Variants in MLLT1 observed in about 807,000 individuals in gnomAD.
The protein encoded by MLLT1 is MLLT1 super elongation complex subunit, also known as protein ENL.
A neutral mutation model predicts 55.1 loss-of-function variants in MLLT1; 11 were observed. The ratio of observed to expected loss-of-function variants is 0.20; its 90% confidence interval spans 0.13 to 0.33. The LOEUF is 0.33. Among genes scored for constraint, MLLT1 ranks in the 10% least tolerant of loss-of-function variants. The pLI is 1.00. For missense variants in MLLT1, 536 were observed against 760.6 expected, an observed-to-expected ratio of 0.70 and a Z score of 3.47; for synonymous variants, 323 against 320.1, an observed-to-expected ratio of 1.01 and a Z score of -0.10.
Position 6,216,395 on chromosome 19 carries a change from G to T in MLLT1, c.1307+10C>A. On this transcript the variant is annotated intron_variant, in intron 8 of 11. Coordinates refer to ENST00000252674, the MANE Select transcript of MLLT1 (RefSeq NM_005934.4). ...CCGCCTCCGCCCCCTGGCTCCCACCGGGCCGTCACCTGGAGTCCCTCCCCG... is the reference window on the plus strand; with the variant it reads ...CCGCCTCCGCCCCCTGGCTCCCACCTGGCCGTCACCTGGAGTCCCTCCCCG... 1 of 1,591,744 alleles carries T rather than the reference G, an allele frequency of 6.3e-7. No individual in the cohort carries two copies. Among genetic ancestry groups the T allele is most frequent in the East Asian group, 2.3e-5 (1 of 44,050 alleles).
rs1158830196 is a variant in MLLT1 at position 6,211,491 on chromosome 19, CAAG to C, written c.*1548_*1550del. ...TCTGCTGACAGAATCAGAGCAGGGA[CAAG>C]ATGAGGGACCTCAGGGAGGGACAGA... On this transcript the variant is annotated 3_prime_UTR_variant, in exon 12 of 12. Coordinates refer to ENST00000252674, the MANE Select transcript of MLLT1 (RefSeq NM_005934.4). The surrounding 1 kb of genome is among the most constrained non-coding windows in gnomAD (Gnocchi z 4.6). The C allele has an allele frequency of 1.7e-5, 9 of 531,990 alleles. No individual in the cohort carries two copies. The highest frequency in any genetic ancestry group is 2.3e-5 in the Non-Finnish European group (9 of 391,752). The allele number at this position is 531,990 out of a possible 1,614,324, so 33.0% of individuals were successfully genotyped here. A position where few individuals can be genotyped will look rare whatever the true frequency, so the allele number is the denominator to read the frequency against.
intron 3 of MLLT1, among the ~76,000 whole-genome samples, chr19:6,241,682 GCTT>G (rs1179582089): frequency 6.6e-6 from 1 of 152,212 alleles, no homozygotes; most frequent in Non-Finnish European, 1.5e-5. Context: ...CTTTCCTTGT[GCTT>G]CTCTGCCCGG....
intron 3 of MLLT1, among the ~76,000 whole-genome samples, chr19:6,250,921 G>A (rs1000488127): frequency 2.6e-5 from 4 of 152,204 alleles, no homozygotes; most frequent in African/African-American, 7.2e-5. Flanking sequence ...GAAAAGGAAT[G>A]CAGTTCTTAT....
Position 6,213,999 on chromosome 19 carries a change from G to C in MLLT1, c.1347C>G (p.Asp449Glu). ...GGGGCTCACGGCTGGGCAGGGAGGA[G>C]TCGGCGCTGTTGTCACTCTCGCTGT... ...FSDSESDNSA[D>E]SSLPSREPPP... Residue 449 changes from aspartate (D) to glutamate (E), a missense_variant, in exon 9 of 12, where the codon GAC becomes GAG. Coordinates refer to ENST00000252674, the MANE Select transcript of MLLT1 (RefSeq NM_005934.4). 6.9e-7 allele frequency: 1 copy of C among 1,457,372 alleles called. No individual in the cohort carries two copies. Among genetic ancestry groups the C allele is most frequent in the Non-Finnish European group, 9.0e-7 (1 of 1,106,362 alleles). The allele number at this position is 1,457,372 out of a possible 1,614,324, so 90.3% of individuals were successfully genotyped here. A position where few individuals can be genotyped will look rare whatever the true frequency, so the allele number is the denominator to read the frequency against.
intron 10 of MLLT1, 34 bp downstream of exon 10, chr19:6,213,691 GT>G: frequency 4.4e-5 from 14 of 318,086 alleles, no homozygotes; most frequent in Non-Finnish European, 5.5e-5. Context: ...CCACCCCTCC[GT>G]AGCCTCCCCG....
intron 5 of MLLT1, among the ~76,000 whole-genome samples, chr19:6,225,619 C>T (rs773689949): frequency 9.8e-5 from 15 of 152,296 alleles, no homozygotes; most frequent in Non-Finnish European, 2.1e-4. Flanking sequence ...TCTCTCCACC[C>T]GGTAGCTGGA....
chr19:6,235,191 C>T lies in MLLT1; in HGVS notation c.277-4478G>A, dbSNP rs2091048235. Among the ~76,000 whole-genome samples the T allele has an allele frequency of 6.6e-6, 1 of 152,238 alleles. No individual in the cohort carries two copies. The highest frequency in any genetic ancestry group is 2.1e-4 in the South Asian group (1 of 4,830). ...ACGGCTACGAGGGGGTTTGTTGCAT[C>T]TGCCTCTGTAAATGCTTCCAACTTT... On this transcript the variant is annotated intron_variant, in intron 3 of 11. Transcript: ENST00000252674. The surrounding 1 kb of genome is among the most constrained non-coding windows in gnomAD (Gnocchi z 5.5).
chr19:6,229,409 A>G lies in MLLT1; in HGVS notation c.420+1161T>C, dbSNP rs2090984777. Among the ~76,000 whole-genome samples, 1 of 151,890 alleles carries G rather than the reference A, an allele frequency of 6.6e-6. No individual in the cohort carries two copies. Among genetic ancestry groups the G allele is most frequent in the Admixed American group, 6.6e-5 (1 of 15,262 alleles). On this transcript the variant is annotated intron_variant, in intron 4 of 11. Transcript: ENST00000252674. The surrounding 1 kb of genome is among the most constrained non-coding windows in gnomAD (Gnocchi z 5.2). ...AACGACGGCCACCAAGGACCTGACC[A>G]TGCCCCATGAGGAGGAAGGAGGACT...
At position 6,212,705 on chromosome 19, in the gene MLLT1, C is replaced by A; in HGVS notation, c.*337G>T. On this transcript the variant is annotated 3_prime_UTR_variant, in exon 12 of 12. Coordinates refer to ENST00000252674, the MANE Select transcript of MLLT1 (RefSeq NM_005934.4). Reference sequence around the variant, plus strand: ...AGGCTGGGGCAGCGACGCCGCACAGCCCGCCGAGCAGTGGGGGCTGGTCCC... The same window carrying A: ...AGGCTGGGGCAGCGACGCCGCACAGACCGCCGAGCAGTGGGGGCTGGTCCC... 1.2e-5 allele frequency: 14 copies of A among 1,140,902 alleles called. No individual in the cohort carries two copies. The highest frequency in any genetic ancestry group is 1.4e-5 in the Non-Finnish European group (13 of 927,738). 70.7% of individuals were successfully genotyped at this position (1,140,902 alleles called of 1,614,324 possible).
Position 6,212,258 on chromosome 19 carries a change from C to T in MLLT1, c.*784G>A. 1 of 1,065,162 alleles carries T rather than the reference C, an allele frequency of 9.4e-7. No homozygotes were observed. Among genetic ancestry groups the T allele is most frequent in the Non-Finnish European group, 1.1e-6 (1 of 879,366 alleles). 66.0% of individuals were successfully genotyped at this position (1,065,162 alleles called of 1,614,324 possible). A position where few individuals can be genotyped will look rare whatever the true frequency, so the allele number is the denominator to read the frequency against. On this transcript the variant is annotated 3_prime_UTR_variant, in exon 12 of 12. Coordinates refer to ENST00000252674, the MANE Select transcript of MLLT1 (RefSeq NM_005934.4). ...CCCTTTGTAGTGTTGGCTGACCCCC[C>T]CGGGAGCCCCGGTAGGAGGCGGCGG...
At chr19:6,269,966 C>T (rs2091381877) in intron 2 of MLLT1, among the ~76,000 whole-genome samples, 1 of 152,132 alleles carries the variant, frequency 6.6e-6, no homozygotes. Flanking sequence ...CCCACCACAG[C>T]CTTTCCCTAG....
At chr19:6,248,750 C>A (rs1328817056) in intron 3 of MLLT1, among the ~76,000 whole-genome samples, 1 of 152,164 alleles carries the variant, frequency 6.6e-6, no homozygotes, top group Non-Finnish European at 1.5e-5. Context: ...AAACCCAAGG[C>A]AAGTCCCTAG....
At chr19:6,220,307 G>A (rs145154922) in intron 6 of MLLT1, among the ~76,000 whole-genome samples, 5 of 152,360 alleles carry the variant, frequency 3.3e-5, no homozygotes, top group Non-Finnish European at 7.3e-5. Flanking sequence ...TGAAGCCCCC[G>A]GGGGAAGAGG....
intron 3 of MLLT1, among the ~76,000 whole-genome samples, chr19:6,248,033 G>A (rs1391956386): frequency 6.6e-6 from 1 of 152,178 alleles, no homozygotes; most frequent in African/African-American, 2.4e-5. Context: ...TGGAACTACA[G>A]GCGTGCGCCA....
intron 3 of MLLT1, among the ~76,000 whole-genome samples, chr19:6,244,991 G>T (rs924177074): frequency 1.3e-5 from 2 of 152,042 alleles, no homozygotes; most frequent in Non-Finnish European, 2.9e-5. Flanking sequence ...CGGCTGGGGG[G>T]GAATGTAAAA....
intron 3 of MLLT1, among the ~76,000 whole-genome samples, chr19:6,242,603 A>G (rs923569174): frequency 6.6e-6 from 1 of 152,046 alleles, no homozygotes; most frequent in Non-Finnish European, 1.5e-5. Flanking sequence ...ATCAGTGTGT[A>G]CCCCTCATGT....
intron 3 of MLLT1, among the ~76,000 whole-genome samples, chr19:6,261,826 C>T (rs1457718006): frequency 2.6e-5 from 4 of 152,144 alleles, no homozygotes; most frequent in South Asian, 2.1e-4. Flanking sequence ...GCCCAGAAGA[C>T]GCATCGTAAT....
At chr19:6,214,186 A>T (rs1228269851) in intron 8 of MLLT1, 148 bp from the exon 9 acceptor site, 8 of 429,144 alleles carry the variant, frequency 1.9e-5, no homozygotes, top group Non-Finnish European at 2.4e-5. Flanking sequence ...AGGAACCTCA[A>T]CTTAAAAATA....
chr19:6,212,681 G>C lies in MLLT1; in HGVS notation c.*361C>G, dbSNP rs1390095414. On this transcript the variant is annotated 3_prime_UTR_variant, in exon 12 of 12. Coordinates refer to ENST00000252674, the MANE Select transcript of MLLT1 (RefSeq NM_005934.4). Reference sequence around the variant, plus strand: ...CAGCCGTCGATCCGCTGCTCAGAAAGGCTGGGGCAGCGACGCCGCACAGCC... The same window carrying C: ...CAGCCGTCGATCCGCTGCTCAGAAACGCTGGGGCAGCGACGCCGCACAGCC... 8.9e-7 allele frequency: 1 copy of C among 1,118,046 alleles called. No individual in the cohort carries two copies. The highest frequency in any genetic ancestry group is 1.1e-6 in the Non-Finnish European group (1 of 914,472). 69.3% of individuals were successfully genotyped at this position (1,118,046 alleles called of 1,614,324 possible). A position where few individuals can be genotyped will look rare whatever the true frequency, so the allele number is the denominator to read the frequency against.
Sources: allele counts gnomAD v4.1 joint callset (sites outside exome capture counted in the v4.1 genomes callset), GRCh38; gene constraint gnomAD v4.1.1; non-coding constraint Gnocchi (gnomAD v3.1); transcripts MANE v1.5; gene names NCBI Gene and HGNC (gene_info 2026-07-23, HGNC 2026-07-21).